Variants in SGCZ observed in about 807,000 individuals in gnomAD.
SGCZ encodes sarcoglycan zeta, also known as zeta-sarcoglycan.
SGCZ carries 40 observed loss-of-function variants against 41.3 expected under a neutral mutation model. That is an observed-to-expected ratio of 0.97 (90% confidence interval 0.75 to 1.26). The LOEUF (loss-of-function observed/expected upper bound fraction) is 1.26, where lower values mean the gene tolerates loss of function less well. SGCZ is among the 50% of genes most tolerant of loss of function. The pLI, the probability that SGCZ is intolerant of heterozygous loss-of-function variation, is 0.00. For synonymous variants in SGCZ, 206 were observed against 137.5 expected (o/e 1.50, Z -3.49); for missense variants, 552 against 369.8 (o/e 1.49, Z -4.04).
chr8:14,919,335 G>C lies in SGCZ; in HGVS notation c.39+318250C>G, dbSNP rs150039346. ...ATGTGCCTATAATCCCAGCTACTCA[G>C]GGGGCTGAAGCAGGAGAATTGCTAG... On this transcript the variant is annotated intron_variant, in intron 1 of 7. Coordinates refer to ENST00000382080, the MANE Select transcript of SGCZ (RefSeq NM_139167.4). Among the ~76,000 whole-genome samples, 1,383 of 152,170 alleles carry C rather than the reference G, an allele frequency of 9.1e-3. 18 individuals are homozygous for C. Among genetic ancestry groups the C allele is most frequent in the African/African-American group, 0.031 (1,301 of 41,538 alleles).
chr8:15,048,390 A>G (rs1464507454), intron 1 of SGCZ, among the ~76,000 whole-genome samples: 5 of 152,048 alleles, frequency 3.3e-5, no homozygotes, highest in Admixed American at 3.3e-4. Flanking sequence ...AGTTAGAGAG[A>G]AGGAATAAGT....
intron 1 of SGCZ, among the ~76,000 whole-genome samples, chr8:14,643,449 G>C (rs540305064): frequency 6.6e-6 from 1 of 151,254 alleles, no homozygotes; most frequent in African/African-American, 2.4e-5. Context: ...CTAAAATTGA[G>C]ACAATTAGAA....
chr8:14,635,643 C>T lies in SGCZ; in HGVS notation c.40-80717G>A, dbSNP rs1301727147. Among the ~76,000 whole-genome samples the T allele has an allele frequency of 3.3e-5, 5 of 151,584 alleles. No individual in the cohort carries two copies. In the East Asian group the frequency reaches 9.7e-4, roughly 30 times the overall value. On this transcript the variant is annotated intron_variant, in intron 1 of 7. Transcript: ENST00000382080. ...TCTTCATCCCAACAGGACATTAATC[C>T]TCAGTTTGTCCAACATATTCATACT...
intron 3 of SGCZ, among the ~76,000 whole-genome samples, chr8:14,309,850 T>A (rs1563249511): frequency 1.3e-5 from 2 of 148,450 alleles, no homozygotes; most frequent in Non-Finnish European, 3.0e-5. Context: ...TCTGTGTTCA[T>A]TTTTTTTTTC....
At chr8:14,581,832 TTTAA>T (rs1338072727) in intron 1 of SGCZ, among the ~76,000 whole-genome samples, 3 of 152,134 alleles carry the variant, frequency 2.0e-5, no homozygotes, top group African/African-American at 7.2e-5. Context: ...AATAAAACTC[TTTAA>T]TTAGTTGCTT....
At chr8:14,956,799 A>G (rs10101010) in intron 1 of SGCZ, among the ~76,000 whole-genome samples, 10,302 of 152,278 alleles carry the variant, frequency 0.068, 548 homozygotes, top group African/African-American at 0.14. Context: ...TTATTTTTAC[A>G]TTGTTACATT....
At chr8:14,511,114 C>G (rs1430728247) in intron 2 of SGCZ, among the ~76,000 whole-genome samples, 2 of 151,906 alleles carry the variant, frequency 1.3e-5, no homozygotes, top group Non-Finnish European at 2.9e-5. Context: ...ATGGTGCTGT[C>G]AAGTACCCTT....
At chr8:14,358,157 G>A (rs894404548) in intron 2 of SGCZ, among the ~76,000 whole-genome samples, 2 of 152,122 alleles carry the variant, frequency 1.3e-5, no homozygotes, top group African/African-American at 4.8e-5. Context: ...CCATGTAATT[G>A]GTTACATGAC....
At chr8:14,883,938 G>C (rs1376218919) in intron 1 of SGCZ, among the ~76,000 whole-genome samples, 3 of 151,982 alleles carry the variant, frequency 2.0e-5, no homozygotes, top group Admixed American at 6.6e-5. Context: ...AGCTGGATAG[G>C]TATGATGATA....
intron 2 of SGCZ, among the ~76,000 whole-genome samples, chr8:14,371,081 T>C (rs1803892611): frequency 6.6e-6 from 1 of 152,058 alleles, no homozygotes; most frequent in African/African-American, 2.4e-5. Flanking sequence ...ATTGTTCTTT[T>C]GTTTCATATA....
At chr8:14,757,124 C>T (rs6530802) in intron 1 of SGCZ, among the ~76,000 whole-genome samples, 4,540 of 152,264 alleles carry the variant, frequency 0.03, 112 homozygotes, top group South Asian at 0.062. Context: ...TCTCAGCCCA[C>T]TGCAACCTCA....
At chr8:14,932,320 C>T (rs1416530028) in intron 1 of SGCZ, among the ~76,000 whole-genome samples, 2 of 151,934 alleles carry the variant, frequency 1.3e-5, no homozygotes, top group Non-Finnish European at 1.5e-5. Flanking sequence ...TAGCTTCTGG[C>T]AAACTCTAGT....
intron 1 of SGCZ, among the ~76,000 whole-genome samples, chr8:15,107,745 A>G (rs541231903): frequency 2.0e-5 from 3 of 152,194 alleles, no homozygotes; most frequent in African/African-American, 7.2e-5. Context: ...CCATACCTCA[A>G]TGTTTGTAGA....
At chr8:14,221,920 C>G (rs1192764886) in intron 4 of SGCZ, among the ~76,000 whole-genome samples, 2 of 151,606 alleles carry the variant, frequency 1.3e-5, no homozygotes, top group Non-Finnish European at 2.9e-5. Flanking sequence ...GAGATCATGC[C>G]ACTGCACTCC....
intron 1 of SGCZ, among the ~76,000 whole-genome samples, chr8:15,148,276 T>C (rs1799088334): frequency 6.6e-6 from 1 of 152,200 alleles, no homozygotes; most frequent in African/African-American, 2.4e-5. Flanking sequence ...GTAGTTGGGA[T>C]AAGCTGAGGA....
chr8:14,579,909 G>A (rs1804831601), intron 1 of SGCZ, among the ~76,000 whole-genome samples: 1 of 152,132 alleles, frequency 6.6e-6, no homozygotes, highest in Admixed American at 6.6e-5. Context: ...GATGTTTTAT[G>A]TGCCAGAGAG....
At chr8:14,846,701 TCCAA>T (rs1374372583) in intron 1 of SGCZ, among the ~76,000 whole-genome samples, 1,611 of 101,980 alleles carry the variant, frequency 0.016, 22 homozygotes, top group African/African-American at 0.045. Flanking sequence ...ACCCTTTAAA[TCCAA>T]AAAAAAAAAA....
intron 2 of SGCZ, among the ~76,000 whole-genome samples, chr8:14,522,240 G>C (rs901860322): frequency 1.3e-5 from 2 of 151,936 alleles, no homozygotes; most frequent in African/African-American, 4.8e-5. Flanking sequence ...TTTTGGCGCT[G>C]TCTTTGTCTG....
At chr8:14,882,261 T>C (rs1041291521) in intron 1 of SGCZ, among the ~76,000 whole-genome samples, 1 of 152,144 alleles carries the variant, frequency 6.6e-6, no homozygotes, top group African/African-American at 2.4e-5. Flanking sequence ...GGAACAGAAG[T>C]CATTCCTTGA....
Sources: allele counts gnomAD v4.1 joint callset (sites outside exome capture counted in the v4.1 genomes callset), GRCh38; gene constraint gnomAD v4.1.1; transcripts MANE v1.5; gene names NCBI Gene and HGNC (gene_info 2026-07-23, HGNC 2026-07-21).